The following PDSS2 variants were observed in gnomAD, a reference collection of about 807,000 sequenced individuals.
The protein encoded by PDSS2 is all trans-polyprenyl-diphosphate synthase PDSS2.
In PDSS2, 31 loss-of-function variants were observed where a neutral mutation model predicts 44.5. The observed-to-expected ratio is 0.70, with a 90% CI of 0.52 to 0.94. PDSS2 has a LOEUF of 0.94. Ranked by LOEUF, PDSS2 falls within the 40% of genes least tolerant of loss-of-function variation. PDSS2 has a pLI of 0.00. For synonymous variants in PDSS2, 157 were observed against 180.3 expected (o/e 0.87, Z 1.03); for missense variants, 452 against 482.2 (o/e 0.94, Z 0.59).
chr6:107,395,237 T>G (rs1206893866), intron 1 of PDSS2, among the ~76,000 whole-genome samples: 1 of 152,176 alleles, frequency 6.6e-6, no homozygotes, highest in African/African-American at 2.4e-5. Flanking sequence ...TCAGTTATTT[T>G]CAGCAATTTG....
chr6:107,160,155 A>G (rs1443550010), intron 7 of PDSS2, among the ~76,000 whole-genome samples: 1 of 152,184 alleles, frequency 6.6e-6, no homozygotes, highest in Non-Finnish European at 1.5e-5. Flanking sequence ...AGTGGAGGTT[A>G]CAGTGGGCCA....
intron 7 of PDSS2, among the ~76,000 whole-genome samples, chr6:107,157,010 C>A (rs73763738): frequency 0.011 from 1,660 of 152,200 alleles, 31 homozygotes; most frequent in African/African-American, 0.038. Context: ...AGGTCTGCAC[C>A]CCTGGACTCC....
chr6:107,318,775 T>C (rs1291122679), intron 2 of PDSS2, among the ~76,000 whole-genome samples: 1 of 152,050 alleles, frequency 6.6e-6, no homozygotes, highest in African/African-American at 2.4e-5. Context: ...TTGCCTGAGC[T>C]CAGGAGTTCA....
intron 3 of PDSS2, among the ~76,000 whole-genome samples, chr6:107,252,478 A>G (rs766327447): frequency 4.6e-5 from 7 of 152,228 alleles, no homozygotes; most frequent in Non-Finnish European, 8.8e-5. Flanking sequence ...AGAGAGAGAA[A>G]TGGCACTACC....
intron 7 of PDSS2, among the ~76,000 whole-genome samples, chr6:107,183,217 A>C (rs924585215): frequency 4.6e-5 from 7 of 152,020 alleles, no homozygotes; most frequent in African/African-American, 1.7e-4. Flanking sequence ...TAAAAAAAAA[A>C]AAAAAAAGTT....
intron 1 of PDSS2, among the ~76,000 whole-genome samples, chr6:107,382,527 G>A (rs991976753): frequency 6.6e-6 from 1 of 152,144 alleles, no homozygotes; most frequent in East Asian, 1.9e-4. Context: ...GAATAGATTT[G>A]AGAGTCCAGA....
chr6:107,400,214 C>T (rs1049817677), intron 1 of PDSS2, among the ~76,000 whole-genome samples: 5 of 152,126 alleles, frequency 3.3e-5, no homozygotes, highest in East Asian at 1.9e-4. Context: ...GCTCCATGCA[C>T]ACTCCCAGAC....
At chr6:107,334,730 T>C (rs558121154) in intron 1 of PDSS2, among the ~76,000 whole-genome samples, 25 of 143,338 alleles carry the variant, frequency 1.7e-4, no homozygotes, top group African/African-American at 2.9e-4. Flanking sequence ...AAAAAAAACG[T>C]AGAGTCAGAG....
chr6:107,160,075 G>A (rs1554246453), intron 7 of PDSS2, among the ~76,000 whole-genome samples: 1 of 152,074 alleles, frequency 6.6e-6, no homozygotes, highest in East Asian at 1.9e-4. Flanking sequence ...AATTAGCTGG[G>A]CATGGTGCCG....
intron 1 of PDSS2, among the ~76,000 whole-genome samples, chr6:107,448,017 C>T (rs1311850344): frequency 6.6e-6 from 1 of 152,234 alleles, no homozygotes; most frequent in African/African-American, 2.4e-5. Flanking sequence ...CTGAGCTGTA[C>T]CTTGGCCCCT....
intron 7 of PDSS2, among the ~76,000 whole-genome samples, chr6:107,157,684 T>C (rs1345940760): frequency 2.0e-5 from 3 of 151,794 alleles, no homozygotes; most frequent in Non-Finnish European, 4.4e-5. Context: ...TTTTGTTTTT[T>C]TTTTTAGACA....
intron 7 of PDSS2, among the ~76,000 whole-genome samples, chr6:107,191,925 T>C (rs765521805): frequency 1.8e-4 from 28 of 152,148 alleles, no homozygotes; most frequent in Non-Finnish European, 3.7e-4. Flanking sequence ...GATTCATCAA[T>C]TGTAACAATG....
intron 3 of PDSS2, among the ~76,000 whole-genome samples, chr6:107,254,035 CT>C (rs72372732): frequency 1.0e-3 from 135 of 132,400 alleles, no homozygotes; most frequent in Admixed American, 1.6e-3. Context: ...TTCTTTCTTT[CT>C]TTTTTTTTTT....
At chr6:107,197,702 G>T in intron 6 of PDSS2, 1 of 387,314 alleles carries the variant, frequency 2.6e-6, no homozygotes, top group Non-Finnish European at 5.3e-6. Context: ...GAGTCCTAGA[G>T]AATTGTTCCT....
chr6:107,365,424 C>A (rs533243586), intron 1 of PDSS2, among the ~76,000 whole-genome samples: 19 of 151,368 alleles, frequency 1.3e-4, no homozygotes, highest in Non-Finnish European at 2.2e-4. Context: ...TCATTTAATA[C>A]AAAGGAAAGG....
At position 107,186,955 on chromosome 6, in the gene PDSS2, T is replaced by C. The variant is rs75097635; in HGVS notation, c.1041+6867A>G. Among the ~76,000 whole-genome samples, 1,035 of 152,306 alleles carry C rather than the reference T, an allele frequency of 6.8e-3. 13 individuals carry two copies. The highest frequency in any genetic ancestry group is 0.024 in the African/African-American group (999 of 41,550). Reference sequence around the variant, plus strand: ...CTGCTGAGTTTTTCAAATACTATTTTACAAATAACTCCTACCAGGGGAACC... The same window carrying C: ...CTGCTGAGTTTTTCAAATACTATTTCACAAATAACTCCTACCAGGGGAACC... On this transcript the variant is annotated intron_variant, in intron 7 of 7. Transcript: ENST00000369037.
intron 4 of PDSS2, among the ~76,000 whole-genome samples, chr6:107,219,853 T>A (rs528888106): frequency 6.6e-6 from 1 of 152,342 alleles, no homozygotes; most frequent in South Asian, 2.1e-4. Flanking sequence ...TCTGTTGCAT[T>A]ATTAAGTAGA....
chr6:107,378,372 T>C (rs1779355589), intron 1 of PDSS2, among the ~76,000 whole-genome samples: 1 of 152,060 alleles, frequency 6.6e-6, no homozygotes. Context: ...AAATAATCTA[T>C]TAAAACCTGT....
chr6:107,334,640 A>G (rs1232228810), intron 1 of PDSS2, among the ~76,000 whole-genome samples: 1 of 151,424 alleles, frequency 6.6e-6, no homozygotes, highest in Admixed American at 6.6e-5. Context: ...TCCCGGTCCT[A>G]AGCGATCCTC....
Sources: allele counts gnomAD v4.1 joint callset (sites outside exome capture counted in the v4.1 genomes callset), GRCh38; gene constraint gnomAD v4.1.1; transcripts MANE v1.5; gene names NCBI Gene and HGNC (gene_info 2026-07-23, HGNC 2026-07-21).